SYT16: variants seen among roughly 807,000 people sequenced by gnomAD.
SYT16 encodes synaptotagmin-16.
A neutral mutation model predicts 61.4 loss-of-function variants in SYT16; 42 were observed. That is an observed-to-expected ratio of 0.68 (90% CI 0.53 to 0.89). The LOEUF is 0.89. Ranked by LOEUF, SYT16 falls within the 40% of genes least tolerant of loss-of-function variation. The pLI, the probability that SYT16 is intolerant of heterozygous loss-of-function variation, is 0.00. For synonymous variants in SYT16, 314 were observed against 302.3 expected (o/e 1.04, Z -0.40); for missense variants, 804 against 807.3 (o/e 1.00, Z 0.05).
intron 1 of SYT16, among the ~76,000 whole-genome samples, chr14:61,836,717 G>A (rs867979694): frequency 1.3e-5 from 2 of 152,112 alleles, no homozygotes; most frequent in Non-Finnish European, 2.9e-5. Context: ...AGAGTTACAT[G>A]GCAGCTTACA....
intron 1 of SYT16, among the ~76,000 whole-genome samples, chr14:61,859,063 G>A (rs141995453): frequency 6.6e-6 from 1 of 151,736 alleles, no homozygotes; most frequent in Non-Finnish European, 1.5e-5. Flanking sequence ...GTTTCACCAT[G>A]TTAGCCAGGA....
At chr14:62,041,968 A>G (rs78367258) in intron 3 of SYT16, among the ~76,000 whole-genome samples, 5,577 of 152,212 alleles carry the variant, frequency 0.037, 129 homozygotes, top group African/African-American at 0.073. Context: ...TTTCATCTCT[A>G]TAAGTTTCAT....
chr14:62,075,825 T>G (rs752553976), intron 5 of SYT16, among the ~76,000 whole-genome samples: 6 of 152,186 alleles, frequency 3.9e-5, no homozygotes, highest in Non-Finnish European at 7.3e-5. Flanking sequence ...TTATTTGATA[T>G]GAAAATTATT....
At chr14:62,046,138 G>A (rs1343651308) in intron 3 of SYT16, among the ~76,000 whole-genome samples, 10 of 152,014 alleles carry the variant, frequency 6.6e-5, no homozygotes, top group Non-Finnish European at 1.5e-4. Context: ...TTTAATGATC[G>A]CCATTCTAAC....
chr14:62,002,210 T>C (rs2053046211), intron 3 of SYT16, among the ~76,000 whole-genome samples: 1 of 152,040 alleles, frequency 6.6e-6, no homozygotes, highest in Non-Finnish European at 1.5e-5. Context: ...AAATCTTTTC[T>C]AATGCAGGAT....
chr14:61,892,538 G>A (rs906916879), intron 1 of SYT16, among the ~76,000 whole-genome samples: 2 of 152,008 alleles, frequency 1.3e-5, no homozygotes, highest in Non-Finnish European at 2.9e-5. Flanking sequence ...ACTCTCCTCC[G>A]TGGTGACCTG....
At chr14:62,076,196 C>T (rs933549336) in intron 5 of SYT16, among the ~76,000 whole-genome samples, 1 of 152,064 alleles carries the variant, frequency 6.6e-6, no homozygotes, top group African/African-American at 2.4e-5. Flanking sequence ...GTTATTTTTC[C>T]ATTAGATAGA....
At chr14:62,046,020 A>G (rs895137692) in intron 3 of SYT16, among the ~76,000 whole-genome samples, 2 of 152,212 alleles carry the variant, frequency 1.3e-5, no homozygotes, top group Non-Finnish European at 2.9e-5. Context: ...TCCCTGAGGA[A>G]TCGCCACACT....
rs374874481 is a variant in SYT16 at position 61,906,775 on chromosome 14, A to G, written c.-324-63357A>G. Among the ~76,000 whole-genome samples the G allele has an allele frequency of 1.6e-3, 172 of 110,514 alleles. 1 individual carries two copies. Among genetic ancestry groups the G allele is most frequent in the East Asian group, 3.0e-3 (10 of 3,356 alleles). The allele number at this position is 110,514 out of a possible 152,430, so 72.5% of individuals were successfully genotyped here. A position where few individuals can be genotyped will look rare whatever the true frequency, so the allele number is the denominator to read the frequency against. On this transcript the variant is annotated intron_variant, in intron 1 of 7. Transcript: ENST00000683842. ...CTTCCGTCCGTCCGTCAATCCATCC[A>G]TCCGTCCGTCCGTCCATCCATCCAT...
chr14:61,941,376 T>A (rs1413446137), intron 1 of SYT16, among the ~76,000 whole-genome samples: 2 of 152,208 alleles, frequency 1.3e-5, no homozygotes, highest in African/African-American at 4.8e-5. Flanking sequence ...TACAACAGTA[T>A]CCTCACTCTT....
chr14:62,099,148 A>G (rs1397900935), intron 7 of SYT16, among the ~76,000 whole-genome samples: 2 of 152,188 alleles, frequency 1.3e-5, no homozygotes, highest in Admixed American at 6.5e-5. Flanking sequence ...ACTAGTGGGA[A>G]GTATTGAAGA....
chr14:62,005,422 T>C (rs2053182899), intron 3 of SYT16, among the ~76,000 whole-genome samples: 2 of 152,078 alleles, frequency 1.3e-5, no homozygotes, highest in Admixed American at 1.3e-4. Context: ...GTCCCAAGGT[T>C]CCTATCCATT....
At chr14:61,920,362 G>A (rs1235141812) in intron 1 of SYT16, among the ~76,000 whole-genome samples, 1 of 152,110 alleles carries the variant, frequency 6.6e-6, no homozygotes, top group East Asian at 1.9e-4. Context: ...CACCTATCAA[G>A]CTGTCATCTA....
At chr14:61,859,527 C>T (rs2046901444) in intron 1 of SYT16, among the ~76,000 whole-genome samples, 1 of 151,882 alleles carries the variant, frequency 6.6e-6, no homozygotes, top group South Asian at 2.1e-4. Flanking sequence ...GAAAACCCCT[C>T]TCTCTCTCGA....
At chr14:62,051,057 T>C (rs113485139) in intron 3 of SYT16, among the ~76,000 whole-genome samples, 10,631 of 152,330 alleles carry the variant, frequency 0.07, 476 homozygotes, top group East Asian at 0.12. Flanking sequence ...TGGCTATGCC[T>C]TGCCCCCAGA....
rs551759516 is a variant in SYT16 at position 62,091,008 on chromosome 14, G to C, written c.1624+6623G>C. ...CCATGATTCAGTTACCTCCCACCGGGTCCCTCCCACAACATGTGGGAAGTA... is the reference window on the plus strand; with the variant it reads ...CCATGATTCAGTTACCTCCCACCGGCTCCCTCCCACAACATGTGGGAAGTA... On this transcript the variant is annotated intron_variant, in intron 7 of 7. Coordinates refer to ENST00000683842, the MANE Select transcript of SYT16 (RefSeq NM_001367656.1). Among the ~76,000 whole-genome samples the C allele has an allele frequency of 9.1e-4, 138 of 152,248 alleles. No homozygotes were observed. In the Middle Eastern group the frequency reaches 0.014, roughly 15 times the overall value.
At chr14:62,090,867 T>C (rs1163670670) in intron 7 of SYT16, among the ~76,000 whole-genome samples, 3 of 152,154 alleles carry the variant, frequency 2.0e-5, no homozygotes, top group South Asian at 2.1e-4. Flanking sequence ...GCAAAAGGCA[T>C]GTCTTACATG....
At chr14:62,094,251 G>A (rs1188850670) in intron 7 of SYT16, among the ~76,000 whole-genome samples, 1 of 152,056 alleles carries the variant, frequency 6.6e-6, no homozygotes, top group Admixed American at 6.6e-5. Context: ...GTGGCTCAAA[G>A]CCTTTTAAAA....
chr14:61,831,387 A>G (rs2140234796), intron 1 of SYT16, among the ~76,000 whole-genome samples: 1 of 151,822 alleles, frequency 6.6e-6, no homozygotes, highest in African/African-American at 2.4e-5. Flanking sequence ...ATTTTTAGAT[A>G]CATTGTCTTC....
Sources: gnomAD v4.1 joint callset for allele counts (sites outside exome capture counted in the v4.1 genomes callset) on GRCh38, gnomAD v4.1.1 for gene constraint, MANE v1.5 for transcripts, NCBI Gene and HGNC (gene_info 2026-07-23, HGNC 2026-07-21) for gene names.